MECOM: variants seen among roughly 807,000 people sequenced by gnomAD.
The protein encoded by MECOM is histone-lysine N-methyltransferase MECOM.
A neutral mutation model predicts 116.3 loss-of-function variants in MECOM; 13 were observed. That is an observed-to-expected ratio of 0.11 (90% CI 0.07 to 0.18). MECOM has a LOEUF of 0.18. MECOM is among the 10% of genes least tolerant of loss of function. MECOM has a pLI of 1.00. For synonymous variants in MECOM, 528 were observed against 535.2 expected (o/e 0.99, Z 0.19); for missense variants, 1,299 against 1,509.0 (o/e 0.86, Z 2.31).
chr3:169,265,566 T>C (rs998852980), intron 2 of MECOM, among the ~76,000 whole-genome samples: 5 of 152,202 alleles, frequency 3.3e-5, no homozygotes, highest in Non-Finnish European at 5.9e-5. Context: ...TAAGGTTCTT[T>C]TCAAGCTAGA....
At chr3:169,574,247 G>GATGA (rs1461947875) in intron 1 of MECOM, among the ~76,000 whole-genome samples, 1 of 152,074 alleles carries the variant, frequency 6.6e-6, no homozygotes. Context: ...CTGACCTACA[G>GATGA]ATGAATTATG....
At chr3:169,433,669 G>GAAAGAA (rs1742105660) in intron 1 of MECOM, among the ~76,000 whole-genome samples, 1 of 145,474 alleles carries the variant, frequency 6.9e-6, no homozygotes, top group African/African-American at 2.6e-5. Context: ...AAGAAAGAAA[G>GAAAGAA]AAAGAAAGAA....
intron 12 of MECOM, among the ~76,000 whole-genome samples, chr3:169,100,165 C>T (rs1228498063): frequency 7.6e-6 from 1 of 131,702 alleles, no homozygotes; most frequent in African/African-American, 2.9e-5. Context: ...GTGGTGCAAT[C>T]TTGGCTCACT....
intron 2 of MECOM, among the ~76,000 whole-genome samples, chr3:169,325,094 T>C (rs891559231): frequency 2.0e-5 from 3 of 152,134 alleles, no homozygotes; most frequent in African/African-American, 7.2e-5. Context: ...CCCTTATGAA[T>C]AGTGAAAAGT....
At chr3:169,579,868 T>G (rs1156942823) in intron 1 of MECOM, among the ~76,000 whole-genome samples, 1 of 152,126 alleles carries the variant, frequency 6.6e-6, no homozygotes, top group African/African-American at 2.4e-5. Context: ...CATGCAACAT[T>G]TGAGTGAGAT....
chr3:169,583,400 C>T (rs1341764786), intron 1 of MECOM, among the ~76,000 whole-genome samples: 1 of 152,082 alleles, frequency 6.6e-6, no homozygotes, highest in African/African-American at 2.4e-5. Flanking sequence ...CATTCTACTC[C>T]CAAAAACCTG....
At position 169,308,826 on chromosome 3, in the gene MECOM, C is replaced by T. The variant is rs78297074; in HGVS notation, c.375+72361G>A. On this transcript the variant is annotated intron_variant, in intron 2 of 16. Coordinates refer to ENST00000651503, the MANE Select transcript of MECOM (RefSeq NM_004991.4). Reference sequence around the variant, plus strand: ...AGCTTGTTATGATCAACTGAATTCTCTCCCCATAAAAGACACGTCTTCCTT... The same window carrying T: ...AGCTTGTTATGATCAACTGAATTCTTTCCCCATAAAAGACACGTCTTCCTT... Among the ~76,000 whole-genome samples the T allele has an allele frequency of 2.0e-4, 31 of 152,308 alleles. No individual in the cohort carries two copies. The East Asian group carries it at 2.7e-3, about 13-fold the overall frequency.
chr3:169,304,025 G>C (rs1433686894), intron 2 of MECOM, among the ~76,000 whole-genome samples: 1 of 152,192 alleles, frequency 6.6e-6, no homozygotes, highest in Non-Finnish European at 1.5e-5. Flanking sequence ...AAGCAATGAA[G>C]CTGCTTTTGT....
chr3:169,378,501 GAAAGAAAGAAAGAAA>G (rs1731682932), intron 2 of MECOM, among the ~76,000 whole-genome samples: 6 of 27,684 alleles, frequency 2.2e-4, no homozygotes, highest in African/African-American at 9.7e-4. Flanking sequence ...AAGAAAGAAA[GAAAGAAAGAAAGAAA>G]AGAAAGAAAG....
intron 1 of MECOM, among the ~76,000 whole-genome samples, chr3:169,441,745 AAAAAAGGG>A (rs1743741803): frequency 9.5e-6 from 1 of 104,950 alleles, no homozygotes; most frequent in Non-Finnish European, 2.4e-5. Flanking sequence ...TTTTTTTTTT[AAAAAAGGG>A]GGGGTCTTGC....
chr3:169,115,497 C>T lies in MECOM; in HGVS notation c.2375G>A (p.Arg792Gln), dbSNP rs753395114. ...TTTTCCCCCAAACACGTGGTTTTTT[C>T]GAGGCTCAGTCAGCTTTGTCCCACT... is the stretch of plus-strand genomic sequence containing the variant. ...RASGTKLTEP[R>Q]KNHVFGGKKG... Residue 792 changes from arginine (R) to glutamine (Q), a missense_variant, in exon 8 of 17, where the codon CGA becomes CAA. Physicochemically the swap from Arg to Gln is conservative, Grantham distance 43. Transcript: ENST00000651503. The T allele has an allele frequency of 5.6e-6, 9 of 1,613,872 alleles. No homozygotes were observed. Among genetic ancestry groups the T allele is most frequent in the South Asian group, 2.2e-5 (2 of 91,072 alleles).
At chr3:169,092,909 A>C (rs1720216107) in intron 14 of MECOM, 49 bp downstream of exon 14, 1 of 1,609,220 alleles carries the variant, frequency 6.2e-7, no homozygotes, top group Non-Finnish European at 8.5e-7. Context: ...ATTTTAAAAC[A>C]TGTTCATTTC....
intron 13 of MECOM, among the ~76,000 whole-genome samples, chr3:169,093,878 A>G (rs903245774): frequency 1.3e-5 from 2 of 152,208 alleles, no homozygotes; most frequent in Non-Finnish European, 2.9e-5. Context: ...ACAATAGTCT[A>G]TATGACAAAA....
At chr3:169,197,652 C>T (rs908942330) in intron 2 of MECOM, among the ~76,000 whole-genome samples, 2 of 151,860 alleles carry the variant, frequency 1.3e-5, no homozygotes, top group African/African-American at 4.8e-5. Context: ...AAAAAGTGCT[C>T]CTGTGAATGA....
At chr3:169,628,506 C>T (rs148699149) in intron 1 of MECOM, among the ~76,000 whole-genome samples, 429 of 152,276 alleles carry the variant, frequency 2.8e-3, no homozygotes, top group Non-Finnish European at 4.9e-3. Flanking sequence ...CCTTTGCAGG[C>T]TTCTTGGCTG....
chr3:169,312,746 A>G (rs569594407), intron 2 of MECOM, among the ~76,000 whole-genome samples: 28 of 152,232 alleles, frequency 1.8e-4, no homozygotes, highest in African/African-American at 6.3e-4. Flanking sequence ...AGGTCTGGGG[A>G]GAGAGGAAAA....
chr3:169,604,261 T>TTC (rs1395675200), intron 1 of MECOM, among the ~76,000 whole-genome samples: 1 of 147,780 alleles, frequency 6.8e-6, no homozygotes, highest in African/African-American at 2.5e-5. Flanking sequence ...CTCTCTCTCT[T>TTC]TCTCTCTCTC....
chr3:169,558,495 T>A (rs1484971283), intron 1 of MECOM, among the ~76,000 whole-genome samples: 1 of 152,290 alleles, frequency 6.6e-6, no homozygotes, highest in East Asian at 1.9e-4. Flanking sequence ...CCAAAATAGA[T>A]GTGTGTGATA....
chr3:169,146,459 G>A, intron 2 of MECOM: 1 of 1,386,144 alleles, frequency 7.2e-7, no homozygotes, highest in Non-Finnish European at 9.6e-7. Context: ...AGGCCGACAA[G>A]CCGGCAGAGA....
Sources: gnomAD v4.1 joint callset for allele counts (sites outside exome capture counted in the v4.1 genomes callset) on GRCh38, gnomAD v4.1.1 for gene constraint, MANE v1.5 for transcripts, NCBI Gene and HGNC (gene_info 2026-07-23, HGNC 2026-07-21) for gene names.